Variants in SDK2 observed in about 807,000 individuals in gnomAD.
SDK2 encodes protein sidekick-2.
In SDK2, 105 loss-of-function variants were observed where a neutral mutation model predicts 253.9. The observed-to-expected ratio is 0.41, with a 90% CI of 0.35 to 0.49. The LOEUF (loss-of-function observed/expected upper bound fraction) is 0.49. Among genes scored for constraint, SDK2 ranks in the 20% least tolerant of loss-of-function variants. The pLI is 0.06. For missense variants in SDK2, 2,608 were observed against 3,003.0 expected (o/e 0.87, Z 3.07); for synonymous variants, 1,249 against 1,234.9 (o/e 1.01, Z -0.24).
At chr17:73,499,275 T>C (rs1266955272) in intron 2 of SDK2, among the ~76,000 whole-genome samples, 2 of 152,268 alleles carry the variant, frequency 1.3e-5, no homozygotes, top group African/African-American at 4.8e-5. Flanking sequence ...TTTGTGTCCC[T>C]TGCTGGGGCC....
chr17:73,375,871 GAAA>G (rs1440767650), intron 36 of SDK2, among the ~76,000 whole-genome samples: 6 of 144,374 alleles, frequency 4.2e-5, no homozygotes, highest in African/African-American at 1.5e-4. Context: ...AAAAAAGAAA[GAAA>G]GAAATAAAAT....
At chr17:73,551,328 C>T (rs2045054940) in intron 1 of SDK2, among the ~76,000 whole-genome samples, 1 of 152,184 alleles carries the variant, frequency 6.6e-6, no homozygotes, top group Non-Finnish European at 1.5e-5. Context: ...AGAGACCTTG[C>T]CCACCAGGAG....
At chr17:73,401,919 G>C in intron 19 of SDK2, 27 bp downstream of exon 19, 1 of 1,544,952 alleles carries the variant, frequency 6.5e-7, no homozygotes, top group Non-Finnish European at 8.8e-7. Flanking sequence ...GGGGGGGGCA[G>C]AAAGAGCAGG....
intron 1 of SDK2, among the ~76,000 whole-genome samples, chr17:73,627,125 T>C (rs1028778976): frequency 6.6e-6 from 1 of 152,118 alleles, no homozygotes; most frequent in Non-Finnish European, 1.5e-5. Flanking sequence ...TCCAAACTCA[T>C]GGGGGTTGTT....
At chr17:73,473,337 G>A (rs34391516) in intron 2 of SDK2, among the ~76,000 whole-genome samples, 11,111 of 152,280 alleles carry the variant, frequency 0.073, 533 homozygotes, top group East Asian at 0.15. Flanking sequence ...GAAGGGGACC[G>A]GGGTCCAGGG....
At position 73,433,812 on chromosome 17, in the gene SDK2, C is replaced by CT. The variant is rs1567770143; in HGVS notation, c.1231dup (p.Ser411LysfsTer14). On this transcript the variant is annotated frameshift_variant, in exon 10 of 45. Transcript: ENST00000392650. LOFTEE classifies it high-confidence loss of function. ...CACTGACATGCCATCGATCACCGTG[C>CT]TGTCCAGGGGGCCTCTGGTGATGTT... 1 of 1,597,750 alleles carries CT rather than the reference C, an allele frequency of 6.3e-7. No individual in the cohort carries two copies. The highest frequency in any genetic ancestry group is 1.7e-5 in the Admixed American group (1 of 58,532).
intron 1 of SDK2, among the ~76,000 whole-genome samples, chr17:73,599,866 G>C (rs1440199638): frequency 6.6e-6 from 1 of 152,234 alleles, no homozygotes; most frequent in African/African-American, 2.4e-5. Flanking sequence ...AGCTGTGATG[G>C]GGGGTCCTTC....
intron 1 of SDK2, among the ~76,000 whole-genome samples, chr17:73,527,885 C>G (rs561637480): frequency 1.3e-5 from 2 of 152,012 alleles, no homozygotes; most frequent in Non-Finnish European, 2.9e-5. Context: ...GTGGCTTTTT[C>G]GCTAGGATTC....
chr17:73,586,456 TCG>T (rs2045604319), intron 1 of SDK2, among the ~76,000 whole-genome samples: 1 of 152,146 alleles, frequency 6.6e-6, no homozygotes. Context: ...GCCTCTCCCT[TCG>T]CGCCAGTGTA....
At chr17:73,561,321 G>A (rs2045230207) in intron 1 of SDK2, among the ~76,000 whole-genome samples, 1 of 152,212 alleles carries the variant, frequency 6.6e-6, no homozygotes. Flanking sequence ...AGATGATGAC[G>A]AGACCTAGGG....
Position 73,431,461 on chromosome 17 carries a change from C to T in SDK2, c.1480+41G>A. ...CAGCACCTACAGGGATGTACACACG[C>T]ACACACAAATGTATAAAGCCCTGTG... On this transcript the variant is annotated intron_variant, in intron 11 of 44. Coordinates refer to ENST00000392650, the MANE Select transcript of SDK2 (RefSeq NM_001144952.2). The surrounding 1 kb of genome is among the most constrained non-coding windows in gnomAD (Gnocchi z 5.6). 1.3e-6 allele frequency: 2 copies of T among 1,577,440 alleles called. No homozygotes were observed. The highest frequency in any genetic ancestry group is 1.7e-6 in the Non-Finnish European group (2 of 1,160,508).
chr17:73,399,993 C>G (rs1004454352), intron 21 of SDK2, among the ~76,000 whole-genome samples: 11 of 152,242 alleles, frequency 7.2e-5, no homozygotes, highest in Admixed American at 1.3e-4. Context: ...GAGCAAAGCT[C>G]CCAGCACCAT....
rs1194534836 is a variant in SDK2 at position 73,534,713 on chromosome 17, T to C, written c.65-27116A>G. Among the ~76,000 whole-genome samples the C allele has an allele frequency of 3.3e-5, 5 of 152,080 alleles. No individual in the cohort carries two copies. Among genetic ancestry groups the C allele is most frequent in the African/African-American group, 1.2e-4 (5 of 41,398 alleles). ...GCAGCCTGGGATTGAAACCATCCAT[T>C]TGCCTGACAGCTGAGAGTGGAGTAG... On this transcript the variant is annotated intron_variant, in intron 1 of 44. Coordinates refer to ENST00000392650, the MANE Select transcript of SDK2 (RefSeq NM_001144952.2). This position sits in a 1 kb window ranked among gnomAD's most constrained non-coding sequence, Gnocchi z 4.9.
chr17:73,633,000 AG>A (rs1342641151), intron 1 of SDK2, among the ~76,000 whole-genome samples: 1 of 152,206 alleles, frequency 6.6e-6, no homozygotes, highest in Non-Finnish European at 1.5e-5. Context: ...AAACTAAAAT[AG>A]GCTGGGTGTG....
chr17:73,369,858 A>G (rs1404822512), intron 36 of SDK2, among the ~76,000 whole-genome samples: 2 of 152,076 alleles, frequency 1.3e-5, no homozygotes, highest in Non-Finnish European at 2.9e-5. Flanking sequence ...GTTAGCCAGG[A>G]TGGTCTAGAT....
At chr17:73,620,839 G>A (rs1256067599) in intron 1 of SDK2, among the ~76,000 whole-genome samples, 2 of 152,216 alleles carry the variant, frequency 1.3e-5, no homozygotes, top group Admixed American at 6.5e-5. Flanking sequence ...TTGTGGCTGA[G>A]TTGTTGCCAG....
chr17:73,453,385 CT>C (rs1363806147), intron 4 of SDK2, among the ~76,000 whole-genome samples: 48 of 115,438 alleles, frequency 4.2e-4, no homozygotes, highest in Admixed American at 8.7e-4. Context: ...TTTTTTTTTT[CT>C]TTTTTTTTGA....
intron 10 of SDK2, among the ~76,000 whole-genome samples, chr17:73,433,073 TC>T (rs1281793553): frequency 6.6e-6 from 1 of 152,146 alleles, no homozygotes; most frequent in African/African-American, 2.4e-5. Flanking sequence ...ACCTATCGTT[TC>T]CTGGGCTTTC....
intron 4 of SDK2, among the ~76,000 whole-genome samples, chr17:73,454,905 C>T (rs896828070): frequency 6.6e-5 from 10 of 152,150 alleles, no homozygotes; most frequent in Non-Finnish European, 8.8e-5. Context: ...GGTTTTGCCA[C>T]GTTGCTCAGG....
Sources: allele counts gnomAD v4.1 joint callset (sites outside exome capture counted in the v4.1 genomes callset), GRCh38; gene constraint gnomAD v4.1.1; non-coding constraint Gnocchi (gnomAD v3.1); transcripts MANE v1.5; gene names NCBI Gene and HGNC (gene_info 2026-07-23, HGNC 2026-07-21).